The following POLA1 variants were observed in gnomAD, a reference collection of about 807,000 sequenced individuals.
POLA1 encodes DNA polymerase alpha 1, catalytic subunit, also known as DNA polymerase alpha catalytic subunit.
Under a neutral mutation model 124.0 loss-of-function variants are expected in POLA1, and 15 were observed. The observed-to-expected ratio is 0.12, with a 90% CI of 0.08 to 0.19. The LOEUF (loss-of-function observed/expected upper bound fraction) is 0.19. Ranked by LOEUF, POLA1 falls within the 10% of genes least tolerant of loss-of-function variation. POLA1 has a pLI of 1.00. For synonymous variants in POLA1, 408 were observed against 389.4 expected (o/e 1.05, Z -0.56); for missense variants, 886 against 1,103.4 (o/e 0.80, Z 2.79).
chrX:24,772,065 C>T (rs1192713558), intron 26 of POLA1, among the ~76,000 whole-genome samples: 2 of 111,622 alleles, frequency 1.8e-5, no homozygotes, highest in Non-Finnish European at 3.8e-5. Flanking sequence ...TAAATTGAAC[C>T]TATCATAAAC....
intron 26 of POLA1, among the ~76,000 whole-genome samples, chrX:24,763,675 A>AT (rs936886381): frequency 3.6e-5 from 4 of 110,924 alleles, no homozygotes; most frequent in African/African-American, 1.3e-4. Context: ...AGGTGGGAAA[A>AT]CATGGTGTTG....
chrX:24,926,184 C>CA (rs1225005902), intron 35 of POLA1, among the ~76,000 whole-genome samples: 2 of 109,691 alleles, frequency 1.8e-5, no homozygotes, highest in East Asian at 5.7e-4. Context: ...CCAGCATGGG[C>CA]AACAGAGTGA....
intron 35 of POLA1, among the ~76,000 whole-genome samples, chrX:24,889,296 T>C (rs938466487): frequency 2.7e-5 from 3 of 112,340 alleles, no homozygotes; most frequent in African/African-American, 9.7e-5. Context: ...CTTCCCTCTG[T>C]TGACCCCTTT....
chrX:24,715,355 G>A (rs1929751259), intron 6 of POLA1, 152 bp downstream of exon 6: 4 of 351,156 alleles, frequency 1.1e-5, no homozygotes, highest in African/African-American at 5.3e-5. Flanking sequence ...GCAGTGGTGC[G>A]ATCTTGGCTC....
At chrX:24,855,486 G>T (rs751226151) in intron 34 of POLA1, among the ~76,000 whole-genome samples, 7 of 111,440 alleles carry the variant, frequency 6.3e-5, no homozygotes, top group Non-Finnish European at 1.3e-4. Context: ...TGTAAGGTGT[G>T]TGTTTCTTTG....
chrX:24,800,060 G>A (rs757354600), intron 26 of POLA1, among the ~76,000 whole-genome samples: 27 of 111,525 alleles, frequency 2.4e-4, no homozygotes, highest in Non-Finnish European at 3.6e-4. Flanking sequence ...AGTCAGTCAG[G>A]AAGCCAAATC....
At chrX:24,772,510 T>C (rs986276782) in intron 26 of POLA1, among the ~76,000 whole-genome samples, 2 of 110,993 alleles carry the variant, frequency 1.8e-5, no homozygotes, top group African/African-American at 3.3e-5. Flanking sequence ...CTAATACTTA[T>C]CAGTTATTTT....
chrX:24,728,214 CCAAT>C (rs1160674864), intron 15 of POLA1, among the ~76,000 whole-genome samples: 2 of 112,228 alleles, frequency 1.8e-5, no homozygotes, highest in African/African-American at 6.5e-5. Flanking sequence ...ACTCCCCATA[CCAAT>C]CACTCATATT....
intron 26 of POLA1, chrX:24,788,576 A>G (rs1463222621): frequency 1.7e-6 from 2 of 1,189,840 alleles, no homozygotes; most frequent in Non-Finnish European, 1.1e-6. Flanking sequence ...GTCTGCTTGA[A>G]TGCTTCTGAC....
chrX:24,737,361 A>G (rs1265175793), intron 18 of POLA1, among the ~76,000 whole-genome samples: 3 of 111,734 alleles, frequency 2.7e-5, no homozygotes, highest in Admixed American at 9.5e-5. Context: ...AAATTAAAAG[A>G]TATCATATGA....
At chrX:24,968,457 T>C (rs866644073) in intron 36 of POLA1, among the ~76,000 whole-genome samples, 5 of 111,804 alleles carry the variant, frequency 4.5e-5, no homozygotes, top group African/African-American at 1.3e-4. Context: ...CCCAGCACTT[T>C]GGGAGGCCAA....
chrX:24,912,901 G>A (rs1431331446), intron 35 of POLA1, among the ~76,000 whole-genome samples: 2 of 112,626 alleles, frequency 1.8e-5, no homozygotes, highest in East Asian at 2.8e-4. Flanking sequence ...GCCCTCATAT[G>A]TTGCTGGTGG....
chrX:24,745,282 T>C (rs1446314390), intron 23 of POLA1, 136 bp from the exon 24 acceptor site: 8 of 331,380 alleles, frequency 2.4e-5, no homozygotes, highest in Non-Finnish European at 3.6e-5. Context: ...TTTTTCCCTT[T>C]TTGTCTGTTT....
chrX:24,743,786 A>G (rs185421090), intron 23 of POLA1, among the ~76,000 whole-genome samples: 77 of 112,511 alleles, frequency 6.8e-4, no homozygotes, highest in Admixed American at 4.3e-3. Flanking sequence ...ACGTGCAGAC[A>G]ATAACCACCA....
rs751245816 is a variant in POLA1, at chrX:24,895,635, A to G, written c.4164+7513A>G. Among the ~76,000 whole-genome samples, 27 of 112,166 alleles carry G rather than the reference A, an allele frequency of 2.4e-4. 1 individual carries two copies. The highest frequency in any genetic ancestry group is 8.5e-4 in the Admixed American group (9 of 10,595). The stretch of plus-strand genomic sequence containing the variant: ...CACTCTATGCAACAGAGACCTTCCA[A>G]TGAACCCTGTCAAATCTCCCCTTGC... On this transcript the variant is annotated intron_variant, in intron 35 of 36. Transcript: ENST00000379068.
At chrX:24,832,618 T>C (rs1250331568) in intron 32 of POLA1, among the ~76,000 whole-genome samples, 1 of 112,272 alleles carries the variant, frequency 8.9e-6, no homozygotes. Flanking sequence ...ATAAAATTGT[T>C]TTAATTAAGT....
chrX:24,784,227 A>G (rs1333863457), intron 26 of POLA1, among the ~76,000 whole-genome samples: 1 of 106,638 alleles, frequency 9.4e-6, no homozygotes, highest in Non-Finnish European at 1.9e-5. Context: ...TAATTTTTGT[A>G]TTTTTAGTAG....
In POLA1 at chrX:24,841,923, A is replaced by C. The variant is rs1188455910; in HGVS notation, c.3915+93A>C. On this transcript the variant is annotated intron_variant, in intron 33 of 36. Coordinates refer to ENST00000379068, the MANE Select transcript of POLA1 (RefSeq NM_001330360.2). ...TGGGGTATATAAAAAGGGCGAAATA[A>C]ACACACACATGTTGCTTTCATGTGT... 2.2e-5 allele frequency: 13 copies of C among 582,062 alleles called. No individual in the cohort carries two copies. In the East Asian group the frequency reaches 4.6e-4, roughly 21 times the overall value. The allele number at this position is 582,062 out of a possible 1,213,427, so 48.0% of individuals were successfully genotyped here. A position where few individuals can be genotyped will look rare whatever the true frequency, so the allele number is the denominator to read the frequency against.
chrX:24,895,729 T>A (rs2047198138), intron 35 of POLA1, among the ~76,000 whole-genome samples: 1 of 112,391 alleles, frequency 8.9e-6, no homozygotes, highest in African/African-American at 3.2e-5. Context: ...CCCAGCCATT[T>A]GGCTTCTGCA....
Sources: gnomAD v4.1 joint callset for allele counts (sites outside exome capture counted in the v4.1 genomes callset) on GRCh38, gnomAD v4.1.1 for gene constraint, MANE v1.5 for transcripts, NCBI Gene and HGNC (gene_info 2026-07-23, HGNC 2026-07-21) for gene names.